GRID2: variants seen among roughly 807,000 people sequenced by gnomAD.
GRID2 encodes glutamate receptor ionotropic, delta-2.
GRID2 carries 33 observed loss-of-function variants against 114.8 expected under a neutral mutation model. The ratio of observed to expected loss-of-function variants is 0.29; its 90% confidence interval spans 0.22 to 0.38. The LOEUF is 0.38. Among genes scored for constraint, GRID2 ranks in the 10% least tolerant of loss-of-function variants. The pLI is 1.00. For synonymous variants in GRID2, 505 were observed against 449.9 expected (o/e 1.12, Z -1.55); for missense variants, 1,184 against 1,257.7 (o/e 0.94, Z 0.89).
intron 6 of GRID2, among the ~76,000 whole-genome samples, chr4:93,222,679 T>C (rs1423551927): frequency 3.3e-5 from 5 of 151,974 alleles, no homozygotes; most frequent in African/African-American, 7.2e-5. Context: ...GGTGTTCTCA[T>C]TGTTCAATTC....
intron 8 of GRID2, among the ~76,000 whole-genome samples, chr4:93,321,998 A>T (rs550724495): frequency 1.3e-5 from 2 of 151,770 alleles, no homozygotes; most frequent in African/African-American, 2.4e-5. Flanking sequence ...TAATTAAACA[A>T]TCTTTCTTCC....
intron 10 of GRID2, among the ~76,000 whole-genome samples, chr4:93,447,917 A>G (rs901071164): frequency 1.3e-5 from 2 of 151,950 alleles, no homozygotes; most frequent in African/African-American, 4.8e-5. Context: ...TTTGGATATG[A>G]ATATCCAAAA....
intron 13 of GRID2, among the ~76,000 whole-genome samples, chr4:93,560,440 T>G (rs573946815): frequency 9.9e-5 from 15 of 151,932 alleles, no homozygotes; most frequent in Non-Finnish European, 1.8e-4. Context: ...GGAGCAAGTG[T>G]GGCGGGGAGC....
chr4:92,749,312 T>A (rs181581617), intron 2 of GRID2, among the ~76,000 whole-genome samples: 35 of 33,130 alleles, frequency 1.1e-3, no homozygotes, highest in East Asian at 2.4e-3. Flanking sequence ...ATTTGTAGCT[T>A]TTTTTTTTTT....
At chr4:93,416,703 GCAAA>G in intron 9 of GRID2, among the ~76,000 whole-genome samples, 1 of 152,182 alleles carries the variant, frequency 6.6e-6, no homozygotes, top group East Asian at 1.9e-4. Context: ...TCTGCAAGTT[GCAAA>G]CAGTGTTGTA....
In GRID2 at chr4:93,081,899, AGCTT is replaced by A. The variant is rs1038778858; in HGVS notation, c.245-3095_245-3092del. Among the ~76,000 whole-genome samples, 299 of 152,306 alleles carry A rather than the reference AGCTT, an allele frequency of 2.0e-3. 2 individuals are homozygous for A. The highest frequency in any genetic ancestry group is 7.1e-3 in the African/African-American group (294 of 41,574). ...TTGCAAAAGGTAGTCTGCGTTGCTAAGCTTTGCTTCTGTTCTTACTGCAGCCTTT... is the reference window on the plus strand; with the variant it reads ...TTGCAAAAGGTAGTCTGCGTTGCTAATGCTTCTGTTCTTACTGCAGCCTTT... On this transcript the variant is annotated intron_variant, in intron 2 of 15. Coordinates refer to ENST00000282020, the MANE Select transcript of GRID2 (RefSeq NM_001510.4).
At chr4:92,674,893 C>G (rs1733267690) in intron 2 of GRID2, among the ~76,000 whole-genome samples, 1 of 152,016 alleles carries the variant, frequency 6.6e-6, no homozygotes, top group Non-Finnish European at 1.5e-5. Context: ...GATTTTTTTC[C>G]TATTACTTTC....
At chr4:92,896,964 A>T (rs551724744) in intron 2 of GRID2, among the ~76,000 whole-genome samples, 3 of 151,460 alleles carry the variant, frequency 2.0e-5, no homozygotes, top group South Asian at 2.1e-4. Flanking sequence ...CTGATCTCGA[A>T]CTCCTGACCT....
chr4:93,112,197 A>G (rs1471139682), intron 4 of GRID2: 3 of 152,278 alleles, frequency 2.0e-5, no homozygotes, highest in Admixed American at 2.0e-4. Context: ...TGAAGCATCT[A>G]TGGTCATTTT....
chr4:93,458,154 C>T (rs1326626905), intron 11 of GRID2, among the ~76,000 whole-genome samples: 2 of 152,150 alleles, frequency 1.3e-5, no homozygotes, highest in Non-Finnish European at 1.5e-5. Flanking sequence ...TAAGGAGTGA[C>T]TATAAATGCA....
intron 14 of GRID2, among the ~76,000 whole-genome samples, chr4:93,735,817 A>G (rs953278331): frequency 3.9e-5 from 6 of 152,034 alleles, no homozygotes; most frequent in Non-Finnish European, 8.8e-5. Context: ...TCAGGTAAGT[A>G]TTGAGAAGCA....
At chr4:93,151,936 G>T (rs1016975768) in intron 4 of GRID2, among the ~76,000 whole-genome samples, 1 of 152,052 alleles carries the variant, frequency 6.6e-6, no homozygotes, top group Admixed American at 6.6e-5. Context: ...GATTTTAATA[G>T]ACATGAATCA....
intron 8 of GRID2, among the ~76,000 whole-genome samples, chr4:93,393,554 A>G (rs10516920): frequency 0.037 from 5,675 of 152,108 alleles, 166 homozygotes; most frequent in Middle Eastern, 0.078. Flanking sequence ...CCTACTTCAA[A>G]TGCTTTTTTG....
At chr4:93,551,503 G>A (rs537159999) in intron 13 of GRID2, among the ~76,000 whole-genome samples, 6 of 152,270 alleles carry the variant, frequency 3.9e-5, no homozygotes, top group African/African-American at 1.4e-4. Context: ...GCCATCCAGT[G>A]TGGCTAGAGA....
chr4:93,685,833 C>T (rs1419482698), intron 14 of GRID2, among the ~76,000 whole-genome samples: 1 of 152,050 alleles, frequency 6.6e-6, no homozygotes, highest in Non-Finnish European at 1.5e-5. Context: ...TCATTACATT[C>T]TGTATACAAA....
chr4:93,350,155 T>A (rs764130685), intron 8 of GRID2, among the ~76,000 whole-genome samples: 1 of 152,068 alleles, frequency 6.6e-6, no homozygotes, highest in Non-Finnish European at 1.5e-5. Context: ...ATTTAAGGCT[T>A]CCAGGAAAAG....
At chr4:92,697,396 G>A (rs1055908253) in intron 2 of GRID2, among the ~76,000 whole-genome samples, 2 of 152,134 alleles carry the variant, frequency 1.3e-5, no homozygotes, top group Non-Finnish European at 2.9e-5. Flanking sequence ...CAAGCTAAGG[G>A]TTTGAGTAGA....
intron 1 of GRID2, among the ~76,000 whole-genome samples, chr4:92,453,615 A>G: frequency 6.6e-6 from 1 of 152,188 alleles, no homozygotes; most frequent in East Asian, 1.9e-4. Flanking sequence ...TTTATGTTTT[A>G]AAATTTCCAT....
intron 2 of GRID2, among the ~76,000 whole-genome samples, chr4:93,028,490 G>A (rs1039050161): frequency 6.6e-6 from 1 of 152,096 alleles, no homozygotes; most frequent in Non-Finnish European, 1.5e-5. Context: ...TTATAAGGAA[G>A]AGTGAAATAA....
Sources: gnomAD v4.1 joint callset for allele counts (sites outside exome capture counted in the v4.1 genomes callset) on GRCh38, gnomAD v4.1.1 for gene constraint, MANE v1.5 for transcripts, NCBI Gene and HGNC (gene_info 2026-07-23, HGNC 2026-07-21) for gene names.